The following CABCOCO1 variants were observed in gnomAD, a reference collection of about 807,000 sequenced individuals.
The protein encoded by CABCOCO1 is ciliary associated calcium binding coiled-coil 1, also known as ciliary-associated calcium-binding coiled-coil protein 1.
In CABCOCO1, 28 loss-of-function variants were observed where a neutral mutation model predicts 35.7. That is an observed-to-expected ratio of 0.78 (90% CI 0.58 to 1.07). The LOEUF is 1.07. Among genes scored for constraint, CABCOCO1 ranks in the 50% least tolerant of loss-of-function variants. CABCOCO1 has a pLI of 0.00. For synonymous variants in CABCOCO1, 95 were observed against 100.1 expected, an observed-to-expected ratio of 0.95 and a Z score of 0.30; for missense variants, 326 against 309.2, an observed-to-expected ratio of 1.05 and a Z score of -0.41.
intron 5 of CABCOCO1, among the ~76,000 whole-genome samples, chr10:61,699,457 G>A (rs548420940): frequency 1.2e-4 from 19 of 152,034 alleles, no homozygotes; most frequent in Non-Finnish European, 2.2e-4. Context: ...GTTGGCCCAC[G>A]AGCATCAATC....
At chr10:61,703,331 C>G (rs1564541218) in intron 5 of CABCOCO1, among the ~76,000 whole-genome samples, 1 of 151,186 alleles carries the variant, frequency 6.6e-6, no homozygotes, top group African/African-American at 2.4e-5. Flanking sequence ...TTTTTCGCCC[C>G]TATTCAATAC....
At chr10:61,676,058 C>T (rs369715726) in intron 2 of CABCOCO1, among the ~76,000 whole-genome samples, 2 of 152,168 alleles carry the variant, frequency 1.3e-5, no homozygotes, top group Admixed American at 1.3e-4. Context: ...AGGCCTCAGA[C>T]TTTTCCTTAG....
At chr10:61,675,711 A>G (rs765746079) in intron 2 of CABCOCO1, among the ~76,000 whole-genome samples, 4 of 152,048 alleles carry the variant, frequency 2.6e-5, no homozygotes, top group Non-Finnish European at 5.9e-5. Context: ...GAGGGCATCA[A>G]TTTCACAAAA....
chr10:61,729,828 G>A (rs2132052533), intron 5 of CABCOCO1, among the ~76,000 whole-genome samples: 1 of 152,226 alleles, frequency 6.6e-6, no homozygotes, highest in Non-Finnish European at 1.5e-5. Context: ...GATAAACCTT[G>A]AGGACATCGT....
At chr10:61,665,901 AAT>A (rs71018986) in intron 1 of CABCOCO1, among the ~76,000 whole-genome samples, 44,535 of 147,760 alleles carry the variant, frequency 0.3, 7,922 homozygotes, top group Middle Eastern at 0.41. Context: ...AAAAAAAAAA[AAT>A]ATCTAGGGAA....
chr10:61,703,450 T>A (rs1175155312), intron 5 of CABCOCO1, among the ~76,000 whole-genome samples: 1 of 152,018 alleles, frequency 6.6e-6, no homozygotes, highest in African/African-American at 2.4e-5. Context: ...TTTGCTTCAT[T>A]TAAAGAGCGG....
rs756148887 is a variant in CABCOCO1, at chr10:61,760,095, T to C, written c.589T>C (p.Phe197Leu). The change falls in exon 6 of 8, where the codon TTC (phenylalanine) becomes CTC (leucine). Residue 197 changes from phenylalanine (F) to leucine (L), a missense_variant. Phe to Leu is a conservative substitution (Grantham distance 22). Transcript: ENST00000648843. ...IEVVKSACGP[F>L]PNPLEEGISF... ...GGTTGTCAAGTCTGCATGTGGCCCTTTCCCAAATCCTCTGGAAGAAGGAAT... is the reference window on the plus strand; with the variant it reads ...GGTTGTCAAGTCTGCATGTGGCCCTCTCCCAAATCCTCTGGAAGAAGGAAT... The C allele has an allele frequency of 1.7e-5, 27 of 1,612,788 alleles. 1 individual carries two copies. The South Asian group carries it at 2.4e-4, about 14-fold the overall frequency.
At position 61,697,108 on chromosome 10, in the gene CABCOCO1, C is replaced by T. The variant is rs946646097; in HGVS notation, c.552+6487C>T. ...ACTGTGGAGAGCAGATTGGCAAAAT[C>T]TATAAAGTTTTTGTGAATGTGAATA... On this transcript the variant is annotated intron_variant, in intron 5 of 7. Transcript: ENST00000648843. Among the ~76,000 whole-genome samples, 4 of 152,094 alleles carry T rather than the reference C, an allele frequency of 2.6e-5. No homozygotes were observed. In the East Asian group the frequency reaches 7.7e-4, roughly 29 times the overall value.
At chr10:61,762,295 A>G (rs1019023832) in intron 7 of CABCOCO1, among the ~76,000 whole-genome samples, 2 of 152,088 alleles carry the variant, frequency 1.3e-5, no homozygotes, top group Non-Finnish European at 2.9e-5. Flanking sequence ...TTAACTATTC[A>G]TTGAAATTAT....
chr10:61,683,458 T>C (rs542791389), intron 3 of CABCOCO1, among the ~76,000 whole-genome samples: 1 of 152,138 alleles, frequency 6.6e-6, no homozygotes, highest in African/African-American at 2.4e-5. Flanking sequence ...CTACTTGGGA[T>C]GCTGAAGTGG....
intron 1 of CABCOCO1, among the ~76,000 whole-genome samples, chr10:61,666,139 C>T (rs115163977): frequency 0.026 from 3,929 of 152,226 alleles, 160 homozygotes; most frequent in African/African-American, 0.09. Context: ...TCTAGGAGAT[C>T]ATCAACATAT....
At chr10:61,688,066 A>G (rs1464313891) in intron 4 of CABCOCO1, among the ~76,000 whole-genome samples, 1 of 152,068 alleles carries the variant, frequency 6.6e-6, no homozygotes, top group African/African-American at 2.4e-5. Context: ...TGGGCTAAAT[A>G]CCTAAATGAT....
chr10:61,687,403 C>T (rs1192352508), intron 4 of CABCOCO1, among the ~76,000 whole-genome samples: 3 of 152,188 alleles, frequency 2.0e-5, no homozygotes, highest in Admixed American at 2.0e-4. Context: ...AGGAATTCTA[C>T]TTTGCACATT....
At chr10:61,685,377 T>G (rs1223999330) in intron 3 of CABCOCO1, 1 of 152,170 alleles carries the variant, frequency 6.6e-6, no homozygotes, top group African/African-American at 2.4e-5. Flanking sequence ...GTCAAACATC[T>G]TTTTTTGCAG....
At chr10:61,715,169 G>C (rs1023265267) in intron 5 of CABCOCO1, among the ~76,000 whole-genome samples, 1 of 152,126 alleles carries the variant, frequency 6.6e-6, no homozygotes, top group African/African-American at 2.4e-5. Context: ...AGGTCTCTAA[G>C]GACTTGCTTT....
chr10:61,734,426 T>A (rs1209887249), intron 5 of CABCOCO1, among the ~76,000 whole-genome samples: 1 of 152,012 alleles, frequency 6.6e-6, no homozygotes, highest in Non-Finnish European at 1.5e-5. Context: ...ATTGAAAACC[T>A]GAAGCCCACC....
intron 5 of CABCOCO1, among the ~76,000 whole-genome samples, chr10:61,713,077 A>G (rs1035618354): frequency 1.3e-5 from 2 of 152,154 alleles, no homozygotes; most frequent in Non-Finnish European, 2.9e-5. Context: ...ATGGCATTGA[A>G]TCTATAAATT....
At chr10:61,727,271 C>T (rs1841178987) in intron 5 of CABCOCO1, among the ~76,000 whole-genome samples, 1 of 151,990 alleles carries the variant, frequency 6.6e-6, no homozygotes, top group South Asian at 2.1e-4. Flanking sequence ...AATCTCTATA[C>T]CTACACTAAT....
At chr10:61,687,594 C>T (rs542460645) in intron 4 of CABCOCO1, among the ~76,000 whole-genome samples, 2 of 152,252 alleles carry the variant, frequency 1.3e-5, no homozygotes, top group Non-Finnish European at 1.5e-5. Context: ...AGAAGGATGA[C>T]AGCTCTTTTC....
Sources: gnomAD v4.1 joint callset for allele counts (sites outside exome capture counted in the v4.1 genomes callset) on GRCh38, gnomAD v4.1.1 for gene constraint, MANE v1.5 for transcripts, NCBI Gene and HGNC (gene_info 2026-07-23, HGNC 2026-07-21) for gene names.